The following TIMD4 variants were observed in gnomAD, a reference collection of about 807,000 sequenced individuals.
The protein encoded by TIMD4 is T-cell immunoglobulin and mucin domain-containing protein 4.
In TIMD4, 31 loss-of-function variants were observed where a neutral mutation model predicts 41.2. That is an observed-to-expected ratio of 0.75 (90% CI 0.57 to 1.01). The LOEUF (loss-of-function observed/expected upper bound fraction) is 1.01. TIMD4 is among the 50% of genes least tolerant of loss of function. The pLI is 0.00. For missense variants in TIMD4, 479 were observed against 472.5 expected (o/e 1.01, Z -0.13); for synonymous variants, 204 against 177.1 (o/e 1.15, Z -1.21).
chr5:156,954,173 C>T (rs898088546), intron 2 of TIMD4, among the ~76,000 whole-genome samples: 3 of 149,062 alleles, frequency 2.0e-5, no homozygotes, highest in Non-Finnish European at 4.5e-5. Flanking sequence ...CCCCTAGATA[C>T]GTAGCAGCTG....
chr5:156,949,694 A>C lies in TIMD4; in HGVS notation c.717T>G (p.Ser239Arg). Residue 239 changes from serine to arginine, a missense_variant, in exon 4 of 9, where the codon AGT (serine) becomes AGG (arginine). Ser to Arg is a moderately radical substitution (Grantham distance 110, BLOSUM62 -1). Coordinates refer to ENST00000274532, the MANE Select transcript of TIMD4 (RefSeq NM_138379.3). ...ETVLPSDSWSSVESTSADTVL... is the reference protein window; with the variant it reads ...ETVLPSDSWSRVESTSADTVL... Reference sequence around the variant, plus strand: ...CAGTGTCAGCAGAAGTAGACTCAACACTACTCCAGGAATCACTGGGGAGGA... The same window carrying C: ...CAGTGTCAGCAGAAGTAGACTCAACCCTACTCCAGGAATCACTGGGGAGGA... 6.2e-7 allele frequency: 1 copy of C among 1,613,608 alleles called. No homozygotes were observed. The highest frequency in any genetic ancestry group is 1.7e-4 in the Middle Eastern group (1 of 6,052).
intron 1 of TIMD4, among the ~76,000 whole-genome samples, chr5:156,957,920 A>G (rs1760003049): frequency 6.6e-6 from 1 of 152,214 alleles, no homozygotes. Context: ...TCCACTGGAG[A>G]GTCAACATTT....
At chr5:156,960,508 G>A (rs1760059823) in intron 1 of TIMD4, among the ~76,000 whole-genome samples, 1 of 149,780 alleles carries the variant, frequency 6.7e-6, no homozygotes. Context: ...TCTAGTTCAA[G>A]CGATTCTCCT....
intron 5 of TIMD4, among the ~76,000 whole-genome samples, chr5:156,932,993 G>A (rs977945718): frequency 5.6e-5 from 8 of 142,360 alleles, no homozygotes; most frequent in African/African-American, 2.3e-4. Context: ...AACCGAGTAA[G>A]ACTCTGTCTC....
At chr5:156,940,031 G>C (rs1279566745) in intron 5 of TIMD4, among the ~76,000 whole-genome samples, 1 of 152,326 alleles carries the variant, frequency 6.6e-6, no homozygotes, top group African/African-American at 2.4e-5. Context: ...GTACTGCCGC[G>C]ATCTCGGCTC....
chr5:156,943,462 G>C (rs1683118482), intron 5 of TIMD4, among the ~76,000 whole-genome samples: 1 of 152,148 alleles, frequency 6.6e-6, no homozygotes, highest in Non-Finnish European at 1.5e-5. Flanking sequence ...ATAATCAGGA[G>C]CCTTTGCACT....
At position 156,951,545 on chromosome 5, in the gene TIMD4, C is replaced by G. The variant is rs112438191; in HGVS notation, c.646G>C (p.Glu216Gln). Residue 216 changes from glutamate to glutamine, a missense_variant, in exon 3 of 9, where the codon GAG (glutamate) becomes CAG (glutamine). By Grantham distance (29) the Glu-to-Gln change is conservative. Transcript: ENST00000274532. ...AGGATGGGCCCTTCCTTAGAAGGCT[C>G]GGGAGTCAGAAGACCTGTGGCTTCC... ...PEEATGLLTP[E>Q]PSKEGPILTA... The G allele has an allele frequency of 2.5e-6, 4 of 1,613,962 alleles. No homozygotes were observed. In the Admixed American group the frequency reaches 6.7e-5, roughly 27 times the overall value.
chr5:156,927,084 G>C (rs182765889), intron 5 of TIMD4, among the ~76,000 whole-genome samples: 15 of 152,202 alleles, frequency 9.9e-5, no homozygotes, highest in Non-Finnish European at 1.9e-4. Flanking sequence ...ACAGGCCAAA[G>C]GTAGTGATGG....
chr5:156,960,563 C>T (rs1342957560), intron 1 of TIMD4, among the ~76,000 whole-genome samples: 3 of 152,044 alleles, frequency 2.0e-5, no homozygotes, highest in Non-Finnish European at 2.9e-5. Flanking sequence ...CATGTCACCA[C>T]GCCTGGCTAA....
rs1046342432 is a variant in TIMD4, at chr5:156,922,321, T to C, written c.895-105A>G. On this transcript the variant is annotated intron_variant, in intron 6 of 8. Coordinates refer to ENST00000274532, the MANE Select transcript of TIMD4 (RefSeq NM_138379.3). ...ACCTTACAACCACCAGCAGTTTCAC[T>C]ACATTTCACCACCTTTTGTCAAAAA... is the stretch of plus-strand genomic sequence containing the variant. The C allele has an allele frequency of 4.4e-6, 4 of 902,162 alleles. No individual in the cohort carries two copies. In the Admixed American group the frequency reaches 6.3e-5, roughly 14 times the overall value. The allele number at this position is 902,162 out of a possible 1,614,324, so 55.9% of individuals were successfully genotyped here. A position where few individuals can be genotyped will look rare whatever the true frequency, so the allele number is the denominator to read the frequency against.
At chr5:156,934,441 T>G (rs1338850583) in intron 5 of TIMD4, among the ~76,000 whole-genome samples, 1 of 151,778 alleles carries the variant, frequency 6.6e-6, no homozygotes, top group African/African-American at 2.4e-5. Context: ...GTTTTTTTTG[T>G]TTGTTTGTTT....
At chr5:156,956,282 G>A (rs1039521357) in intron 1 of TIMD4, among the ~76,000 whole-genome samples, 13 of 151,888 alleles carry the variant, frequency 8.6e-5, no homozygotes, top group South Asian at 2.1e-4. Flanking sequence ...TTTTGTTAAC[G>A]TTAGAGCTAG....
intron 6 of TIMD4, among the ~76,000 whole-genome samples, chr5:156,922,634 A>G (rs957103569): frequency 1.3e-5 from 2 of 152,244 alleles, no homozygotes; most frequent in Non-Finnish European, 2.9e-5. Context: ...CAAAGTCTAG[A>G]TGGGGGGCCC....
chr5:156,919,513 C>A lies in TIMD4; in HGVS notation c.1081G>T (p.Val361Phe). 6.2e-7 allele frequency: 1 copy of A among 1,614,000 alleles called. No individual in the cohort carries two copies. Among genetic ancestry groups the A allele is most frequent in the Non-Finnish European group, 8.5e-7 (1 of 1,179,922 alleles). ...CTTCCATGCTGCACGTCATTGAGGA[C>A]ATTTTTACTATCTCCAATGTAGTCT... ...RLDYIGDSKN[V>F]LNDVQHGRED... The change falls in exon 9 of 9, where the codon GTC becomes TTC. Residue 361 changes from valine (V) to phenylalanine (F), a missense_variant. Transcript: ENST00000274532.
intron 3 of TIMD4, among the ~76,000 whole-genome samples, chr5:156,950,588 G>A (rs373528503): frequency 1.3e-5 from 2 of 152,182 alleles, no homozygotes; most frequent in South Asian, 2.1e-4. Context: ...AATTCTTACT[G>A]CAGAATCAGA....
At chr5:156,938,661 T>C (rs1170455125) in intron 5 of TIMD4, among the ~76,000 whole-genome samples, 2 of 152,192 alleles carry the variant, frequency 1.3e-5, no homozygotes, top group African/African-American at 4.8e-5. Flanking sequence ...CCAGAATACA[T>C]CTTGCTCGTT....
At chr5:156,932,225 C>G (rs1278855189) in intron 5 of TIMD4, among the ~76,000 whole-genome samples, 2 of 152,184 alleles carry the variant, frequency 1.3e-5, no homozygotes, top group Non-Finnish European at 2.9e-5. Context: ...TAAATTTTCT[C>G]AAATGTGACT....
chr5:156,933,897 A>G (rs1581615775), intron 5 of TIMD4, among the ~76,000 whole-genome samples: 2 of 152,114 alleles, frequency 1.3e-5, no homozygotes, highest in Non-Finnish European at 2.9e-5. Flanking sequence ...GCAGATCCCT[A>G]TTGGTCTACT....
At chr5:156,939,920 A>C (rs982818514) in intron 5 of TIMD4, among the ~76,000 whole-genome samples, 2 of 152,152 alleles carry the variant, frequency 1.3e-5, no homozygotes, top group Non-Finnish European at 2.9e-5. Flanking sequence ...ACAACTGAAA[A>C]TGCCATTCCC....
Sources: gnomAD v4.1 joint callset for allele counts (sites outside exome capture counted in the v4.1 genomes callset) on GRCh38, gnomAD v4.1.1 for gene constraint, MANE v1.5 for transcripts, NCBI Gene and HGNC (gene_info 2026-07-23, HGNC 2026-07-21) for gene names.